CDK12: variants seen among roughly 807,000 people sequenced by gnomAD.
CDK12 encodes the protein cyclin dependent kinase 12.
CDK12 carries 17 observed loss-of-function variants against 133.8 expected under a neutral mutation model. The observed-to-expected ratio is 0.13, with a 90% CI of 0.09 to 0.19. CDK12 has a LOEUF of 0.19. Among genes scored for constraint, CDK12 ranks in the 10% least tolerant of loss-of-function variants. CDK12 has a pLI of 1.00. For synonymous variants in CDK12, 694 were observed against 683.6 expected (o/e 1.02, Z -0.24); for missense variants, 1,508 against 1,818.7 (o/e 0.83, Z 3.11).
chr17:39,480,099 T>G (rs1408050076), intron 2 of CDK12, among the ~76,000 whole-genome samples: 1 of 152,022 alleles, frequency 6.6e-6, no homozygotes, highest in Non-Finnish European at 1.5e-5. Flanking sequence ...AATTTTTATA[T>G]TTTTAGTAGA....
chr17:39,502,569 G>A (rs186782004), intron 6 of CDK12, among the ~76,000 whole-genome samples: 89 of 152,294 alleles, frequency 5.8e-4, no homozygotes, highest in Admixed American at 1.2e-3. Context: ...GACTGTCCTG[G>A]TTTTAGCAGT....
upstream of CDK12, among the ~76,000 whole-genome samples, chr17:39,545,341 C>T (rs1459674273): frequency 2.6e-5 from 4 of 151,914 alleles, no homozygotes; most frequent in Non-Finnish European, 5.9e-5. Context: ...GCGTGTGCCA[C>T]CATGCCTAGG....
Position 39,531,272 on chromosome 17 carries a change from A to G in CDK12, c.4429A>G (p.Arg1477Gly), listed in dbSNP as rs2054830993. 2.0e-6 allele frequency: 3 copies of G among 1,504,866 alleles called. No individual in the cohort carries two copies. The highest frequency in any genetic ancestry group is 2.7e-6 in the Non-Finnish European group (3 of 1,130,150). 93.2% of individuals were successfully genotyped at this position (1,504,866 alleles called of 1,614,324 possible). The change falls in exon 14 of 14, where the codon AGA becomes GGA. Residue 1477 changes from arginine to glycine, a missense_variant. By Grantham distance (125) the Arg-to-Gly change is moderately radical (BLOSUM62 -2). Coordinates refer to ENST00000447079, the MANE Select transcript of CDK12 (RefSeq NM_016507.4). ...TGGAAAACTCTATCGGGGGCCTACAAGAGTCCCACCAAGAGGGGGAAGAGG... is the reference window on the plus strand; with the variant it reads ...TGGAAAACTCTATCGGGGGCCTACAGGAGTCCCACCAAGAGGGGGAAGAGG... ...AYGKLYRGPTRVPPRGGRGRG... is the reference protein window; with the variant it reads ...AYGKLYRGPTGVPPRGGRGRG...
intron 11 of CDK12, among the ~76,000 whole-genome samples, chr17:39,522,313 C>T (rs367977274): frequency 1.6e-4 from 25 of 152,042 alleles, no homozygotes; most frequent in Admixed American, 2.6e-4. Flanking sequence ...TCTTGAAGTC[C>T]CGACCTCAGG....
At chr17:39,500,119 AAGAGTT>A (rs1041410285) in intron 5 of CDK12, among the ~76,000 whole-genome samples, 1 of 152,160 alleles carries the variant, frequency 6.6e-6, no homozygotes, top group African/African-American at 2.4e-5. Context: ...GCCTGAGCCA[AAGAGTT>A]AAGAGACCAG....
intron 11 of CDK12, among the ~76,000 whole-genome samples, chr17:39,522,690 T>C (rs1488682725): frequency 1.3e-5 from 2 of 152,120 alleles, no homozygotes; most frequent in Non-Finnish European, 2.9e-5. Context: ...TGCCTCGTCC[T>C]CCCAAAGTGC....
At chr17:39,478,166 G>T (rs972559644) in intron 2 of CDK12, among the ~76,000 whole-genome samples, 1 of 150,274 alleles carries the variant, frequency 6.7e-6, no homozygotes, top group African/African-American at 2.4e-5. Context: ...CTAAATGCTG[G>T]CATTACATGT....
At chr17:39,505,449 C>T (rs1262794464) in intron 6 of CDK12, among the ~76,000 whole-genome samples, 8 of 135,376 alleles carry the variant, frequency 5.9e-5, no homozygotes, top group Admixed American at 1.7e-4. Context: ...CACTTGAACC[C>T]GGGAGGTGGA....
At chr17:39,554,602 C>G (rs142587544) in intron 2 of CDK12, among the ~76,000 whole-genome samples, 2 of 152,100 alleles carry the variant, frequency 1.3e-5, no homozygotes, top group Non-Finnish European at 2.9e-5. Flanking sequence ...CTAGGATAGC[C>G]GGGCACGGCA....
chr17:39,473,760 C>G (rs983363436), intron 2 of CDK12, among the ~76,000 whole-genome samples: 8 of 152,026 alleles, frequency 5.3e-5, no homozygotes, highest in Non-Finnish European at 1.2e-4. Flanking sequence ...TGGCGGTTGC[C>G]TATAGTCCCA....
intron 9 of CDK12, among the ~76,000 whole-genome samples, chr17:39,516,356 T>C (rs1323031249): frequency 6.6e-6 from 1 of 151,838 alleles, no homozygotes; most frequent in African/African-American, 2.4e-5. Context: ...CAGGCTAATG[T>C]TTTTTGTATT....
chr17:39,540,903 G>A (rs560714563), intron 1 of CDK12, among the ~76,000 whole-genome samples: 3 of 152,264 alleles, frequency 2.0e-5, no homozygotes, highest in Non-Finnish European at 2.9e-5. Flanking sequence ...CAAGGCCTGC[G>A]GGAGCCCTTA....
chr17:39,556,450 A>T (rs946103243), intron 3 of CDK12: 5 of 152,418 alleles, frequency 3.3e-5, no homozygotes, highest in Non-Finnish European at 7.3e-5. Flanking sequence ...GCCCTGGAGT[A>T]GAGGGCAGCC....
In CDK12 at chr17:39,526,162, A is replaced by G. The variant is rs968089325; in HGVS notation, c.3606A>G (p.Thr1202=). 4.3e-6 allele frequency: 7 copies of G among 1,614,052 alleles called. No individual in the cohort carries two copies. The highest frequency in any genetic ancestry group is 5.9e-6 in the Non-Finnish European group (7 of 1,180,040). The change falls in exon 13 of 14, where the codon ACA becomes ACG. Residue 1202 remains threonine (T), a synonymous_variant. Coordinates refer to ENST00000447079, the MANE Select transcript of CDK12 (RefSeq NM_016507.4). The part of the protein sequence containing the change: ...AEQTTLEASS[T]PADMQNILAV... Reference sequence around the variant, plus strand: ...AGACGACCCTTGAAGCTTCAAGCACACCAGCTGACATGCAGAATATATTGG... The same window carrying G: ...AGACGACCCTTGAAGCTTCAAGCACGCCAGCTGACATGCAGAATATATTGG...
At chr17:39,474,941 C>T (rs1408619281) in intron 2 of CDK12, among the ~76,000 whole-genome samples, 1 of 151,644 alleles carries the variant, frequency 6.6e-6, no homozygotes. Flanking sequence ...TCAAGTGATT[C>T]TCATGCCTCA....
intron 5 of CDK12, among the ~76,000 whole-genome samples, chr17:39,498,369 T>C (rs2052306663): frequency 6.6e-6 from 1 of 151,946 alleles, no homozygotes. Context: ...GGATTACAAG[T>C]GTGTGCCACA....
intron 2 of CDK12, among the ~76,000 whole-genome samples, chr17:39,476,524 C>T (rs2050204351): frequency 2.0e-5 from 3 of 151,334 alleles, no homozygotes; most frequent in African/African-American, 7.3e-5. Flanking sequence ...AGCAATTCTC[C>T]TGCCTCAGCC....
In CDK12 at chr17:39,501,331, A is replaced by G. The variant is rs1414401269; in HGVS notation, c.2501A>G (p.Asp834Gly). The change falls in exon 6 of 14, where the codon GAC (aspartate) becomes GGC (glycine). Residue 834 changes from aspartate to glycine, a missense_variant. Transcript: ENST00000447079. The part of the protein sequence containing the change: ...LESGLVHFSE[D>G]HIKSFMKQLM... ...TCTGGTTTGGTGCACTTTTCTGAGG[A>G]CCATATCAAGTCGTTCATGAAACAG... is the stretch of plus-strand genomic sequence containing the variant. The G allele has an allele frequency of 3.1e-6, 5 of 1,613,394 alleles. No individual in the cohort carries two copies. The highest frequency in any genetic ancestry group is 4.2e-6 in the Non-Finnish European group (5 of 1,179,706).
intron 2 of CDK12, among the ~76,000 whole-genome samples, chr17:39,486,253 CTTTTTTTT>C (rs35710234): frequency 9.2e-5 from 8 of 86,512 alleles, no homozygotes; most frequent in African/African-American, 1.3e-4. Flanking sequence ...CACCCTGCCT[CTTTTTTTT>C]TTTTTTTTTT....
Sources: gnomAD v4.1 joint callset for allele counts (sites outside exome capture counted in the v4.1 genomes callset) on GRCh38, gnomAD v4.1.1 for gene constraint, MANE v1.5 for transcripts, NCBI Gene and HGNC (gene_info 2026-07-23, HGNC 2026-07-21) for gene names.